PCDHGA5: variants seen among roughly 807,000 people sequenced by gnomAD.
PCDHGA5 encodes the protein protocadherin gamma-A5.
PCDHGA5 carries 36 observed loss-of-function variants against 56.7 expected under a neutral mutation model. The ratio of observed to expected loss-of-function variants is 0.64; its 90% CI spans 0.49 to 0.84. PCDHGA5 has a LOEUF of 0.84. PCDHGA5 is among the 40% of genes least tolerant of loss of function. The pLI, the probability that PCDHGA5 is intolerant of heterozygous loss-of-function variation, is 0.00. For missense variants in PCDHGA5, 1,305 were observed against 1,201.5 expected (o/e 1.09, Z -1.27); for synonymous variants, 563 against 520.2 (o/e 1.08, Z -1.12).
chr5:141,450,842 T>TTTTA (rs1387012749), intron 1 of PCDHGA5, among the ~76,000 whole-genome samples: 1 of 148,196 alleles, frequency 6.7e-6, no homozygotes, highest in African/African-American at 2.5e-5. Context: ...TTTTTTTTTT[T>TTTTA]GAGATGGGGT....
At chr5:141,371,615 T>C (rs754452070) in intron 1 of PCDHGA5, 3 of 1,613,964 alleles carry the variant, frequency 1.9e-6, no homozygotes, top group Middle Eastern at 3.3e-4. Flanking sequence ...TGGTGACAGA[T>C]GGAGCCCTGG....
Position 141,395,079 on chromosome 5 carries a change from G to A in PCDHGA5, c.2421+28328G>A, listed in dbSNP as rs777930721. On this transcript the variant is annotated intron_variant, in intron 1 of 3. Coordinates refer to ENST00000518069, the MANE Select transcript of PCDHGA5 (RefSeq NM_018918.3). ...GGCTTTCCTGCAGACCTATTCCCAG[G>A]AAGTCTCCCTCACCGCCGACTCGCG... 4.0e-5 allele frequency: 65 copies of A among 1,614,024 alleles called. 1 individual carries two copies. In the Middle Eastern group the frequency reaches 6.6e-4, roughly 16 times the overall value.
chr5:141,476,727 G>A lies in PCDHGA5; in HGVS notation c.2422-18080G>A, dbSNP rs762236731. On this transcript the variant is annotated intron_variant, in intron 1 of 3. Coordinates refer to ENST00000518069, the MANE Select transcript of PCDHGA5 (RefSeq NM_018918.3). This position sits in a 1 kb window ranked among gnomAD's most constrained non-coding sequence, Gnocchi z 7.6. ...CTGGTGTTGGAGCGCGCCCTGGACC[G>A]AGAACGGGAGCCTAGTCTCCAGTTA... 5 of 1,614,108 alleles carry A rather than the reference G, an allele frequency of 3.1e-6. No individual in the cohort carries two copies. Among genetic ancestry groups the A allele is most frequent in the Non-Finnish European group, 4.2e-6 (5 of 1,180,032 alleles).
In PCDHGA5 at chr5:141,512,845, A is replaced by G. The variant is rs1166488780; in HGVS notation, c.*1672A>G. On this transcript the variant is annotated 3_prime_UTR_variant, in exon 4 of 4. Coordinates refer to ENST00000518069, the MANE Select transcript of PCDHGA5 (RefSeq NM_018918.3). ...CTCCCCCGTACTGACTTCTCCTATA[A>G]GCGCTTCTCTTCGCATAGTCACGTA... The G allele has an allele frequency of 6.6e-6, 1 of 152,156 alleles. No individual in the cohort carries two copies. Among genetic ancestry groups the G allele is most frequent in the African/African-American group, 2.4e-5 (1 of 41,380 alleles). 9.4% of individuals were successfully genotyped at this position (152,156 alleles called of 1,614,324 possible).
Position 141,489,585 on chromosome 5 carries a change from G to C in PCDHGA5, c.2422-5222G>C. The C allele has an allele frequency of 6.2e-7, 1 of 1,614,090 alleles. No individual in the cohort carries two copies. On this transcript the variant is annotated intron_variant, in intron 1 of 3. Transcript: ENST00000518069. This position sits in a 1 kb window ranked among gnomAD's most constrained non-coding sequence, Gnocchi z 4.5. ...AGGTGGTGACTGAACACCCCCTGGA[G>C]CTAATCCGTGTAGAGGTAGAGATCC...
intron 1 of PCDHGA5, chr5:141,393,778 A>G (rs756686929): frequency 1.2e-5 from 20 of 1,613,954 alleles, no homozygotes; most frequent in Non-Finnish European, 1.7e-5. Flanking sequence ...ATACAAGCCG[A>G]AGATGTGGGG....
intron 1 of PCDHGA5, among the ~76,000 whole-genome samples, chr5:141,449,134 T>C (rs538592980): frequency 9.2e-4 from 140 of 152,242 alleles, no homozygotes; most frequent in Non-Finnish European, 1.8e-3. Context: ...AGAAATGGAA[T>C]TGAAATTGCT....
chr5:141,420,044 T>C lies in PCDHGA5; in HGVS notation c.2421+53293T>C, dbSNP rs769790599. 1.7e-5 allele frequency: 27 copies of C among 1,613,934 alleles called. No individual in the cohort carries two copies. In the East Asian group the frequency reaches 6.0e-4, roughly 36 times the overall value. On this transcript the variant is annotated intron_variant, in intron 1 of 3. Coordinates refer to ENST00000518069, the MANE Select transcript of PCDHGA5 (RefSeq NM_018918.3). ...CCCTACTGCAGGAGACTGCTTTGAG[T>C]CAGTTCTCTGCTCCAAGTCCGGACC...
chr5:141,496,916 T>C (rs1252437822), intron 2 of PCDHGA5, among the ~76,000 whole-genome samples: 4 of 148,274 alleles, frequency 2.7e-5, no homozygotes, highest in African/African-American at 9.9e-5. Context: ...CTGGGCACTG[T>C]GGTTCACGCC....
chr5:141,478,124 T>C (rs776469996), intron 1 of PCDHGA5: 1 of 1,613,978 alleles, frequency 6.2e-7, no homozygotes, highest in South Asian at 1.1e-5. Flanking sequence ...AACCGAGGAC[T>C]CTCCTGAAGC....
chr5:141,408,013 CCA>C, intron 1 of PCDHGA5: 1 of 989,288 alleles, frequency 1.0e-6, no homozygotes, highest in Non-Finnish European at 1.4e-6. Flanking sequence ...CCCTGCGCAG[CCA>C]ACAACAGAAA....
chr5:141,364,371 T>G lies in PCDHGA5; in HGVS notation c.41T>G (p.Leu14Arg). ...PPRGWGCGEL[L>R]LPFMLLGTLC... ...AGGGGCTGGGGCTGCGGAGAGCTGC[T>G]GCTGCCCTTCATGCTCCTGGGGACG... Residue 14 changes from leucine to arginine, a missense_variant, in exon 1 of 4, where the codon CTG becomes CGG. Leu to Arg is a moderately radical substitution (Grantham distance 102). Coordinates refer to ENST00000518069, the MANE Select transcript of PCDHGA5 (RefSeq NM_018918.3). 6.4e-7 allele frequency: 1 copy of G among 1,572,068 alleles called. No individual in the cohort carries two copies. The highest frequency in any genetic ancestry group is 1.2e-5 in the South Asian group (1 of 84,064).
chr5:141,511,450 C>A lies in PCDHGA5; in HGVS notation c.*277C>A. Reference sequence around the variant, plus strand: ...TGGGGTTACTGTAGACACCAAGAACCATTTGCCACACCCCGTTTAGTTACA... The same window carrying A: ...TGGGGTTACTGTAGACACCAAGAACAATTTGCCACACCCCGTTTAGTTACA... On this transcript the variant is annotated 3_prime_UTR_variant, in exon 4 of 4. Transcript: ENST00000518069. The A allele has an allele frequency of 3.3e-6, 2 of 615,088 alleles. No homozygotes were observed. The highest frequency in any genetic ancestry group is 6.8e-5 in the East Asian group (2 of 29,272). The allele number at this position is 615,088 out of a possible 1,614,324, so 38.1% of individuals were successfully genotyped here.
chr5:141,480,217 G>A (rs1443825272), intron 1 of PCDHGA5, among the ~76,000 whole-genome samples: 2 of 147,950 alleles, frequency 1.4e-5, no homozygotes, highest in Non-Finnish European at 3.0e-5. Context: ...CAGCCTGAGC[G>A]ACATAGTGAG....
At chr5:141,394,802 C>G (rs773531449) in intron 1 of PCDHGA5, 1 of 1,613,810 alleles carries the variant, frequency 6.2e-7, no homozygotes, top group South Asian at 1.1e-5. Context: ...TCACCGTAGC[C>G]GTGGCTGACA....
rs936869534 is a variant in PCDHGA5, at chr5:141,371,001, G to T, written c.2421+4250G>T. The T allele has an allele frequency of 1.9e-6, 3 of 1,613,852 alleles. No homozygotes were observed. In the African/African-American group the frequency reaches 4.0e-5, roughly 22 times the overall value. ...AGTACTGAAAGCACCCCTGGACAGG[G>T]AAGAGCAGCCACATCACCACCTGGT... On this transcript the variant is annotated intron_variant, in intron 1 of 3. Coordinates refer to ENST00000518069, the MANE Select transcript of PCDHGA5 (RefSeq NM_018918.3).
intron 1 of PCDHGA5, among the ~76,000 whole-genome samples, chr5:141,380,434 T>C (rs919623948): frequency 6.6e-6 from 1 of 152,208 alleles, no homozygotes; most frequent in South Asian, 2.1e-4. Flanking sequence ...AGACTTTACA[T>C]AGAATTCTTT....
intron 1 of PCDHGA5, chr5:141,400,754 C>A (rs6880273): frequency 0.26 from 150,367 of 588,610 alleles, 21,664 homozygotes; most frequent in African/African-American, 0.5. Context: ...TTAGCTTCCT[C>A]TCTAGCAAAA....
intron 1 of PCDHGA5, chr5:141,398,999 A>C: frequency 6.2e-7 from 1 of 1,613,964 alleles, no homozygotes; most frequent in East Asian, 2.2e-5. Context: ...TTTAGTCTGA[A>C]TTCAAAGAGC....
Sources: allele counts gnomAD v4.1 joint callset (sites outside exome capture counted in the v4.1 genomes callset), GRCh38; gene constraint gnomAD v4.1.1; non-coding constraint Gnocchi (gnomAD v3.1); transcripts MANE v1.5; gene names NCBI Gene and HGNC (gene_info 2026-07-23, HGNC 2026-07-21).